Variants in DCTN3 observed in about 807,000 individuals in gnomAD.
DCTN3 encodes dynactin 3 (p22).
DCTN3 carries 25 observed loss-of-function variants against 28.4 expected under a neutral mutation model. The observed-to-expected ratio is 0.88, with a 90% CI of 0.64 to 1.23. The LOEUF is 1.23. Among genes scored for constraint, DCTN3 ranks in the 50% most tolerant of loss-of-function variants. DCTN3 has a pLI of 0.00. For missense variants in DCTN3, 229 were observed against 232.0 expected, an observed-to-expected ratio of 0.99 and a Z score of 0.08; for synonymous variants, 81 against 91.4, an observed-to-expected ratio of 0.89 and a Z score of 0.65.
chr9:34,614,761 A>C lies in DCTN3; in HGVS notation c.360T>G (p.Pro120=), dbSNP rs762867928. The change falls in exon 5 of 7, where the codon CCT becomes CCG. Residue 120 remains proline, a synonymous_variant. Coordinates refer to ENST00000259632, the MANE Select transcript of DCTN3 (RefSeq NM_007234.5). ...MLDSAHIKAV[P]EHAARLQRLA... ...AGCGCTGCAGGCGGGCAGCATGCTC[A>C]GGAACGGCTGTAAAACACAACACAC... The C allele has an allele frequency of 6.2e-7, 1 of 1,614,098 alleles. No homozygotes were observed. Among genetic ancestry groups the C allele is most frequent in the Non-Finnish European group, 8.5e-7 (1 of 1,180,036 alleles).
In DCTN3 at chr9:34,616,613, G is replaced by A. The variant is rs1261310961; in HGVS notation, c.269-500C>T. 1 of 154,080 alleles carries A rather than the reference G, an allele frequency of 6.5e-6. No individual in the cohort carries two copies. Among genetic ancestry groups the A allele is most frequent in the Non-Finnish European group, 1.4e-5 (1 of 69,406 alleles). 9.5% of individuals were successfully genotyped at this position (154,080 alleles called of 1,614,324 possible). ...GTCCAGTGAGGAGAGCAGGATCTGG[G>A]CTAGGCCCTGTATGCACACGGGATT... is the stretch of plus-strand genomic sequence containing the variant. On this transcript the variant is annotated intron_variant, in intron 3 of 6. Transcript: ENST00000259632. The surrounding 1 kb of genome is among the most constrained non-coding windows in gnomAD (Gnocchi z 4.7).
intron 3 of DCTN3, 154 bp downstream of exon 3, chr9:34,617,731 A>G (rs772932947): frequency 6.6e-7 from 1 of 1,519,274 alleles, no homozygotes; most frequent in Admixed American, 2.0e-5. Flanking sequence ...TAGAGGATCC[A>G]TAGGATCCTC....
At position 34,616,697 on chromosome 9, in the gene DCTN3, C is replaced by A. The variant is rs1820432362; in HGVS notation, c.269-584G>T. The A allele has an allele frequency of 6.6e-6, 1 of 152,274 alleles. No homozygotes were observed. The highest frequency in any genetic ancestry group is 6.5e-5 in the Admixed American group (1 of 15,270). The allele number at this position is 152,274 out of a possible 1,614,324, so 9.4% of individuals were successfully genotyped here. On this transcript the variant is annotated intron_variant, in intron 3 of 6. Transcript: ENST00000259632. The surrounding 1 kb of genome is among the most constrained non-coding windows in gnomAD (Gnocchi z 4.7). ...ATTCAAGAGAGAGGACTGTTACGTG[C>A]AAATGCTTAGAGGCAGGAATGCCTG...
Position 34,613,848 on chromosome 9 carries a change from G to T in DCTN3, c.495C>A (p.Phe165Leu). 4 of 1,614,104 alleles carry T rather than the reference G, an allele frequency of 2.5e-6. No homozygotes were observed. In the South Asian group the frequency reaches 4.4e-5, roughly 18 times the overall value. Residue 165 changes from phenylalanine to leucine, a missense_variant, in exon 7 of 7, where the codon TTC becomes TTA. By Grantham distance (22) the Phe-to-Leu change is conservative. Coordinates refer to ENST00000259632, the MANE Select transcript of DCTN3 (RefSeq NM_007234.5). ...GGCAAAGTAGCTCATCCCACTGCAC[G>T]AATTGCTTGGAGAGAAGCATTGTCT... The part of the protein sequence containing the change: ...NKTTMLLSKQ[F>L]VQWDELLCQL...
chr9:34,620,154 G>A (rs1003193049), intron 1 of DCTN3, among the ~76,000 whole-genome samples: 3 of 152,194 alleles, frequency 2.0e-5, no homozygotes, highest in Non-Finnish European at 2.9e-5. Flanking sequence ...GCTACAGTAG[G>A]TACGGAGCCC....
chr9:34,614,399 C>T (rs760920150), intron 5 of DCTN3: 31 of 648,486 alleles, frequency 4.8e-5, no homozygotes, highest in African/African-American at 9.1e-5. Context: ...TACACTAGGG[C>T]CTGGGAATAG....
chr9:34,617,975 G>T lies in DCTN3; in HGVS notation c.182-4C>A, dbSNP rs762529769. 6.2e-7 allele frequency: 1 copy of T among 1,612,196 alleles called. No homozygotes were observed. Among genetic ancestry groups the T allele is most frequent in the Non-Finnish European group, 8.5e-7 (1 of 1,178,474 alleles). On this transcript the variant is annotated splice_polypyrimidine_tract_variant and splice_region_variant and intron_variant, in intron 2 of 6. Transcript: ENST00000259632. Reference sequence around the variant, plus strand: ...AGGTACTTGATCAGATCTTCAACTAGAAAAGTAGCAAGATGGAAAATGGAA... The same window carrying T: ...AGGTACTTGATCAGATCTTCAACTATAAAAGTAGCAAGATGGAAAATGGAA...
rs1451370431 is a variant in DCTN3 at position 34,616,067 on chromosome 9, A to G, written c.315T>C (p.Asn105=). The G allele has an allele frequency of 1.9e-6, 3 of 1,614,134 alleles. No individual in the cohort carries two copies. ...CACTGTCCAGCATGGGCACCAAGGC[A>G]TTCACCTGCTCCAGGAGTGCAACCT... The part of the protein sequence containing the change: ...LSQVALLEQV[N]ALVPMLDSAH... Residue 105 remains asparagine (N), a synonymous_variant, in exon 4 of 7, where the codon AAT becomes AAC. Transcript: ENST00000259632. This position sits in a 1 kb window ranked among gnomAD's most constrained non-coding sequence, Gnocchi z 4.7.
At chr9:34,619,969 C>G (rs1179788270) in intron 1 of DCTN3, among the ~76,000 whole-genome samples, 1 of 152,208 alleles carries the variant, frequency 6.6e-6, no homozygotes, top group Non-Finnish European at 1.5e-5. Context: ...TCTGCTCTGC[C>G]TCCCCAGGGG....
rs766366712 is a variant in DCTN3, at chr9:34,620,445, A to T, written c.20T>A (p.Leu7Ter). MAGLTD[L>*]QRLQARVEEL... ...TTCCACTCGGGCCTGTAGCCGCTGC[A>T]AGTCAGTCAGACCCGCCATCGCTAC... Residue 7 changes from leucine (L) to a stop codon, truncating the protein, a stop_gained, in exon 1 of 7, where the codon TTG becomes TAG. Coordinates refer to ENST00000259632, the MANE Select transcript of DCTN3 (RefSeq NM_007234.5). LOFTEE classifies it high-confidence loss of function. 6.4e-7 allele frequency: 1 copy of T among 1,554,396 alleles called. No individual in the cohort carries two copies. The highest frequency in any genetic ancestry group is 1.2e-5 in the South Asian group (1 of 84,720).
chr9:34,618,704 C>T lies in DCTN3; in HGVS notation c.153G>A (p.Arg51=), dbSNP rs775682220. 3.7e-6 allele frequency: 6 copies of T among 1,614,194 alleles called. No homozygotes were observed. The East Asian group carries it at 1.3e-4, about 36-fold the overall frequency. Residue 51 remains arginine (R), a synonymous_variant, in exon 2 of 7, where the codon AGG becomes AGA. Transcript: ENST00000259632. Reference sequence around the variant, plus strand: ...TTTTGTAGAGAATCTTCACCCTCTCCCTCTTGCTGGAAATGTTCCCCAAAG... The same window carrying T: ...TTTTGTAGAGAATCTTCACCCTCTCTCTCTTGCTGGAAATGTTCCCCAAAG... The part of the protein sequence containing the change: ...QVALGNISSK[R]ERVKILYKKI...
chr9:34,615,623 A>C (rs1342674919), intron 4 of DCTN3: 1 of 155,398 alleles, frequency 6.4e-6, no homozygotes, highest in South Asian at 1.9e-4. Context: ...GATAAAGATA[A>C]GGAACAGGCC....
intron 4 of DCTN3, chr9:34,615,116 G>C (rs1820393834): frequency 4.4e-6 from 1 of 228,176 alleles, no homozygotes; most frequent in Non-Finnish European, 8.6e-6. Context: ...GCGGGGGCAG[G>C]TCTGCCTGGC....
rs531117817 is a variant in DCTN3 at position 34,614,748 on chromosome 9, G to A, written c.373C>T (p.Arg125Cys). Residue 125 changes from arginine (R) to cysteine (C), a missense_variant, in exon 5 of 7, where the codon CGC becomes TGC. Coordinates refer to ENST00000259632, the MANE Select transcript of DCTN3 (RefSeq NM_007234.5). ...TGGATCTGGGCCAAGCGCTGCAGGC[G>A]GGCAGCATGCTCAGGAACGGCTGTA... ...HIKAVPEHAA[R>C]LQRLAQIHIQ... 1.1e-5 allele frequency: 18 copies of A among 1,614,052 alleles called. No homozygotes were observed. Among genetic ancestry groups the A allele is most frequent in the Middle Eastern group, 1.6e-4 (1 of 6,062 alleles).
At position 34,614,721 on chromosome 9, in the gene DCTN3, T is replaced by A; in HGVS notation, c.400A>T (p.Ile134Phe). 6.2e-7 allele frequency: 1 copy of A among 1,614,172 alleles called. No homozygotes were observed. The highest frequency in any genetic ancestry group is 8.5e-7 in the Non-Finnish European group (1 of 1,180,050). ...ARLQRLAQIH[I>F]QQQDQCVEIT... ...CTCCCCTCCCATACCTGCTGCTGAA[T>A]GTGGATCTGGGCCAAGCGCTGCAGG... The change falls in exon 5 of 7, where the codon ATT becomes TTT. Residue 134 changes from isoleucine (I) to phenylalanine (F), a missense_variant. Coordinates refer to ENST00000259632, the MANE Select transcript of DCTN3 (RefSeq NM_007234.5).
intron 3 of DCTN3, among the ~76,000 whole-genome samples, chr9:34,617,302 C>T (rs1820444174): frequency 6.6e-6 from 1 of 152,214 alleles, no homozygotes; most frequent in South Asian, 2.1e-4. Context: ...AGGGCAGGGA[C>T]TTTCTGGTTC....
Position 34,618,737 on chromosome 9 carries a change from C to A in DCTN3, c.120G>T (p.Val40=). ...SRKVADGLVK[V]QVALGNISSK... ...TGGAAATGTTCCCCAAAGCCACCTG[C>A]ACCTTGACCAGGCCGTCAGCCACCT... Residue 40 remains valine (V), a synonymous_variant, in exon 2 of 7, where the codon GTG becomes GTT. Transcript: ENST00000259632. 6.2e-7 allele frequency: 1 copy of A among 1,614,184 alleles called. No homozygotes were observed. Among genetic ancestry groups the A allele is most frequent in the Non-Finnish European group, 8.5e-7 (1 of 1,180,010 alleles).
At chr9:34,618,542 G>C (rs1465089923) in intron 2 of DCTN3, 134 bp downstream of exon 2, 2 of 711,718 alleles carry the variant, frequency 2.8e-6, no homozygotes, top group African/African-American at 1.8e-5. Context: ...ATTGGGTGTA[G>C]GTAAATGTCC....
chr9:34,619,565 C>T (rs1820504055), intron 1 of DCTN3, among the ~76,000 whole-genome samples: 1 of 152,160 alleles, frequency 6.6e-6, no homozygotes, highest in Non-Finnish European at 1.5e-5. Flanking sequence ...GCAAATAACA[C>T]TGAGAAGCAG....
Sources: gnomAD v4.1 joint callset for allele counts (sites outside exome capture counted in the v4.1 genomes callset) on GRCh38, gnomAD v4.1.1 for gene constraint, Gnocchi (gnomAD v3.1) non-coding constraint, MANE v1.5 for transcripts, NCBI Gene and HGNC (gene_info 2026-07-23, HGNC 2026-07-21) for gene names.